The following SRFBP1 variants were observed in gnomAD, a reference collection of about 807,000 sequenced individuals.
SRFBP1 encodes the protein serum response factor binding protein 1.
SRFBP1 carries 47 observed loss-of-function variants against 45.5 expected under a neutral mutation model. The observed-to-expected ratio is 1.03, with a 90% CI of 0.82 to 1.32. The LOEUF is 1.32. Among genes scored for constraint, SRFBP1 ranks in the 40% most tolerant of loss-of-function variants. The pLI is 0.00. For synonymous variants in SRFBP1, 203 were observed against 166.3 expected (o/e 1.22, Z -1.70); for missense variants, 621 against 484.6 (o/e 1.28, Z -2.64).
At chr5:122,024,225 G>C (rs1753421327) in intron 7 of SRFBP1, among the ~76,000 whole-genome samples, 2 of 152,180 alleles carry the variant, frequency 1.3e-5, no homozygotes, top group Admixed American at 1.3e-4. Context: ...CCATAGGCTT[G>C]TGGCCTGCTT....
intron 2 of SRFBP1, among the ~76,000 whole-genome samples, chr5:122,041,687 T>C (rs1021217846): frequency 1.3e-5 from 2 of 152,172 alleles, no homozygotes; most frequent in Non-Finnish European, 2.9e-5. Context: ...TACAAAACTC[T>C]CATTATTTTT....
At chr5:122,054,312 C>T (rs184007623) in intron 2 of SRFBP1, among the ~76,000 whole-genome samples, 13 of 152,318 alleles carry the variant, frequency 8.5e-5, no homozygotes, top group South Asian at 2.1e-4. Context: ...CTCTCATTCT[C>T]TCACCTTTCC....
chr5:121,965,703 G>T (rs758473700), intron 1 of SRFBP1, among the ~76,000 whole-genome samples: 12 of 152,156 alleles, frequency 7.9e-5, no homozygotes, highest in Non-Finnish European at 1.2e-4. Flanking sequence ...GAACTTTAAA[G>T]TAGTTTTTTC....
chr5:121,976,853 TTTG>T (rs1752312379), intron 3 of SRFBP1, among the ~76,000 whole-genome samples: 1 of 150,704 alleles, frequency 6.6e-6, no homozygotes, highest in Non-Finnish European at 1.5e-5. Context: ...TAAACTGGAA[TTTG>T]TTAAATTTTT....
intron 4 of SRFBP1, among the ~76,000 whole-genome samples, chr5:121,996,924 A>G (rs1321711276): frequency 1.4e-5 from 2 of 147,188 alleles, no homozygotes; most frequent in African/African-American, 2.6e-5. Flanking sequence ...CTTGCTTCAA[A>G]GAGAATAAAA....
At chr5:121,972,249 T>C (rs949705297) in intron 1 of SRFBP1, among the ~76,000 whole-genome samples, 1 of 151,946 alleles carries the variant, frequency 6.6e-6, no homozygotes, top group Non-Finnish European at 1.5e-5. Context: ...TGGTATTTCT[T>C]ATATTGTAAC....
At chr5:122,039,435 G>A (rs1025703451) in intron 2 of SRFBP1, among the ~76,000 whole-genome samples, 1 of 152,138 alleles carries the variant, frequency 6.6e-6, no homozygotes, top group East Asian at 1.9e-4. Flanking sequence ...AACTGGCTAA[G>A]TGCTCACTGA....
At chr5:122,021,850 T>G (rs952266224) in intron 6 of SRFBP1, among the ~76,000 whole-genome samples, 10 of 139,550 alleles carry the variant, frequency 7.2e-5, no homozygotes, top group African/African-American at 1.2e-4. Flanking sequence ...CTAATTTTTG[T>G]TTTTTTTTTG....
chr5:122,047,721 A>C (rs965942919), intron 2 of SRFBP1, among the ~76,000 whole-genome samples: 49 of 152,018 alleles, frequency 3.2e-4, no homozygotes, highest in Admixed American at 7.9e-4. Context: ...CTTTTATTTC[A>C]TTGAGCAGTG....
intron 2 of SRFBP1, among the ~76,000 whole-genome samples, chr5:122,047,530 G>A (rs1397737221): frequency 3.9e-5 from 6 of 152,144 alleles, no homozygotes; most frequent in Non-Finnish European, 7.3e-5. Flanking sequence ...GGCAATGCGG[G>A]CTCTTTTTTG....
chr5:122,067,695 A>C (rs542567984), intron 2 of SRFBP1, among the ~76,000 whole-genome samples: 2 of 152,022 alleles, frequency 1.3e-5, no homozygotes, highest in African/African-American at 4.8e-5. Flanking sequence ...TTTTTGTCCA[A>C]CTCGTAACTC....
intron 1 of SRFBP1, 42 bp downstream of exon 1, chr5:121,962,110 C>G (rs772305405): frequency 6.2e-7 from 1 of 1,612,498 alleles, no homozygotes; most frequent in Admixed American, 1.7e-5. Flanking sequence ...TAAGGGTCCT[C>G]AAAACCAGCT....
chr5:122,007,072 C>T (rs932324767), intron 4 of SRFBP1, among the ~76,000 whole-genome samples: 3 of 152,072 alleles, frequency 2.0e-5, no homozygotes, highest in Non-Finnish European at 2.9e-5. Flanking sequence ...GTTCTCCAGT[C>T]AGTGCATCCA....
chr5:122,069,538 A>G (rs1194853009), intron 2 of SRFBP1, among the ~76,000 whole-genome samples: 1 of 152,144 alleles, frequency 6.6e-6, no homozygotes, highest in African/African-American at 2.4e-5. Flanking sequence ...ACACACCTCA[A>G]TCTTTTGCAG....
chr5:122,031,052 G>A (rs569887315), downstream of SRFBP1, among the ~76,000 whole-genome samples: 1 of 152,296 alleles, frequency 6.6e-6, no homozygotes, highest in East Asian at 1.9e-4. Context: ...AGGAGAAGCT[G>A]TTAACTTGTG....
chr5:122,077,152 G>A (rs990458543), downstream of SRFBP1: 7 of 1,467,298 alleles, frequency 4.8e-6, no homozygotes, highest in African/African-American at 9.9e-5. The surrounding 1 kb of genome is among the most constrained non-coding windows in gnomAD (Gnocchi z 4.9). Flanking sequence ...GGGACGCCCG[G>A]GACTGCAAAG....
chr5:122,030,688 A>G (rs1753575765), downstream of SRFBP1, among the ~76,000 whole-genome samples: 1 of 152,166 alleles, frequency 6.6e-6, no homozygotes, highest in South Asian at 2.1e-4. Flanking sequence ...GTAAGTTAAA[A>G]TAGCGTCTTT....
chr5:122,038,107 A>T (rs1753720638), intron 2 of SRFBP1, among the ~76,000 whole-genome samples: 1 of 152,214 alleles, frequency 6.6e-6, no homozygotes. Context: ...TATCACAATT[A>T]TCAGCCTAAA....
intron 3 of SRFBP1, among the ~76,000 whole-genome samples, chr5:121,981,637 A>C (rs547596106): frequency 6.6e-6 from 1 of 151,000 alleles, no homozygotes; most frequent in Non-Finnish European, 1.5e-5. Context: ...CAGAGTTTTT[A>C]AACATAGCAC....
Sources: gnomAD v4.1 joint callset for allele counts (sites outside exome capture counted in the v4.1 genomes callset) on GRCh38, gnomAD v4.1.1 for gene constraint, Gnocchi (gnomAD v3.1) non-coding constraint, MANE v1.5 for transcripts, NCBI Gene and HGNC (gene_info 2026-07-23, HGNC 2026-07-21) for gene names.